Variants in TANGO6 observed in about 807,000 individuals in gnomAD.
TANGO6 encodes the protein transport and Golgi organization protein 6 homolog.
A neutral mutation model predicts 114.2 loss-of-function variants in TANGO6; 90 were observed. The observed-to-expected ratio is 0.79, with a 90% CI of 0.66 to 0.94. The LOEUF is 0.94. Among genes scored for constraint, TANGO6 ranks in the 40% least tolerant of loss-of-function variants. TANGO6 has a pLI of 0.00. For synonymous variants in TANGO6, 477 were observed against 509.8 expected (o/e 0.94, Z 0.87); for missense variants, 1,274 against 1,315.3 (o/e 0.97, Z 0.49).
Position 68,979,808 on chromosome 16 carries a change from C to T in TANGO6, c.2842+5640C>T, listed in dbSNP as rs370064465. Among the ~76,000 whole-genome samples, 16 of 149,672 alleles carry T rather than the reference C, an allele frequency of 1.1e-4. No homozygotes were observed. In the East Asian group the frequency reaches 1.2e-3, roughly 11 times the overall value. ...TGTGTGAGAATTACATATTCTAGTC[C>T]GTTGTTTTTTCATTAGGGTATCAAT... On this transcript the variant is annotated intron_variant, in intron 15 of 17. Transcript: ENST00000261778.
intron 15 of TANGO6, among the ~76,000 whole-genome samples, chr16:68,996,158 G>A (rs1394344009): frequency 6.6e-6 from 1 of 151,944 alleles, no homozygotes; most frequent in Non-Finnish European, 1.5e-5. Flanking sequence ...GAGCTGCAGG[G>A]GAAATTCAAG....
chr16:69,049,117 C>G (rs1959906683), intron 17 of TANGO6, among the ~76,000 whole-genome samples: 1 of 152,140 alleles, frequency 6.6e-6, no homozygotes, highest in Non-Finnish European at 1.5e-5. Context: ...TTCACCCTTT[C>G]AAAGTATATA....
intron 15 of TANGO6, among the ~76,000 whole-genome samples, chr16:69,010,359 T>TA (rs1351420654): frequency 1.3e-5 from 2 of 152,168 alleles, no homozygotes; most frequent in Non-Finnish European, 2.9e-5. Flanking sequence ...AATGTATCTC[T>TA]AGTTAAGCTG....
chr16:68,923,443 A>G (rs1963124090), intron 12 of TANGO6, among the ~76,000 whole-genome samples: 1 of 152,082 alleles, frequency 6.6e-6, no homozygotes, highest in Non-Finnish European at 1.5e-5. Context: ...GGAAGGGGAG[A>G]GAGGGACGAG....
intron 15 of TANGO6, among the ~76,000 whole-genome samples, chr16:69,003,898 T>C (rs1964067433): frequency 6.6e-6 from 1 of 152,038 alleles, no homozygotes; most frequent in East Asian, 1.9e-4. Context: ...ATCCATAACT[T>C]TCTACTCATC....
intron 15 of TANGO6, among the ~76,000 whole-genome samples, chr16:68,988,830 C>G (rs1270132405): frequency 1.3e-5 from 2 of 151,670 alleles, no homozygotes; most frequent in East Asian, 1.9e-4. Flanking sequence ...TCCCAAGTAG[C>G]TAGGACTACA....
chr16:69,074,833 TGTGTG>T (rs1396780721), intron 17 of TANGO6, among the ~76,000 whole-genome samples: 3 of 150,746 alleles, frequency 2.0e-5, no homozygotes, highest in Non-Finnish European at 4.4e-5. Context: ...TGTGTGTGTG[TGTGTG>T]TATAATTATT....
At chr16:69,025,685 C>G (rs1030164136) in intron 16 of TANGO6, among the ~76,000 whole-genome samples, 1 of 151,908 alleles carries the variant, frequency 6.6e-6, no homozygotes, top group African/African-American at 2.4e-5. Flanking sequence ...TAAGTTTGCA[C>G]TGGGTACCTG....
At chr16:68,867,416 T>C in intron 4 of TANGO6, 196 bp downstream of exon 4, 1 of 598,430 alleles carries the variant, frequency 1.7e-6, no homozygotes, top group East Asian at 2.9e-5. Context: ...CTTGCTCTTT[T>C]CCTAAAACAC....
At chr16:69,038,083 A>G (rs981110376) in intron 16 of TANGO6, among the ~76,000 whole-genome samples, 3 of 152,222 alleles carry the variant, frequency 2.0e-5, no homozygotes, top group Admixed American at 2.0e-4. Flanking sequence ...ATAATTAGAT[A>G]TCCTTCCACT....
chr16:69,005,517 C>T (rs1467587388), intron 15 of TANGO6, among the ~76,000 whole-genome samples: 1 of 152,082 alleles, frequency 6.6e-6, no homozygotes, highest in Non-Finnish European at 1.5e-5. Context: ...AGCGGCCAGG[C>T]ACGGTGGCTC....
intron 14 of TANGO6, among the ~76,000 whole-genome samples, chr16:68,972,269 G>A (rs1963714046): frequency 6.6e-6 from 1 of 152,044 alleles, no homozygotes; most frequent in African/African-American, 2.4e-5. Flanking sequence ...AGGAGGATGG[G>A]CAGACAGGTG....
chr16:68,999,258 A>G lies in TANGO6; in HGVS notation c.2843-23570A>G, dbSNP rs76701004. On this transcript the variant is annotated intron_variant, in intron 15 of 17. Transcript: ENST00000261778. ...GTAGATACTTGTATGAGTTGGGTAA[A>G]TTCCTCTTTTCTTGAGATCCCAAGA... Among the ~76,000 whole-genome samples, 1,420 of 152,144 alleles carry G rather than the reference A, an allele frequency of 9.3e-3. 20 individuals carry two copies. Among genetic ancestry groups the G allele is most frequent in the African/African-American group, 0.032 (1,345 of 41,488 alleles).
intron 1 of TANGO6, among the ~76,000 whole-genome samples, chr16:68,852,242 G>A (rs1385868746): frequency 2.0e-5 from 3 of 152,034 alleles, no homozygotes; most frequent in East Asian, 1.9e-4. Flanking sequence ...AACAAAATAA[G>A]TACTTCACAT....
chr16:68,954,372 C>A (rs1963505587), intron 14 of TANGO6, among the ~76,000 whole-genome samples: 1 of 151,966 alleles, frequency 6.6e-6, no homozygotes, highest in Non-Finnish European at 1.5e-5. Flanking sequence ...GCCCTCCAGA[C>A]CCTTAGGATC....
rs1480723373 is a variant in TANGO6, at chr16:68,843,692, G to C, written c.75G>C (p.Lys25Asn). The C allele has an allele frequency of 1.2e-6, 2 of 1,613,716 alleles. No individual in the cohort carries two copies. Among genetic ancestry groups the C allele is most frequent in the Non-Finnish European group, 8.5e-7 (1 of 1,179,704 alleles). Reference protein sequence around the residue: ...CGLDRILEALKLLLSPGGSGS... With the variant: ...CGLDRILEALNLLLSPGGSGS... The stretch of plus-strand genomic sequence containing the variant: ...TGGATCGGATTTTGGAGGCATTGAA[G>C]CTGCTGCTGAGCCCGGGAGGTGAGA... Residue 25 changes from lysine (K) to asparagine (N), a missense_variant, in exon 1 of 18, where the codon AAG (lysine) becomes AAC (asparagine). Lys to Asn is a moderately conservative substitution (Grantham distance 94). Transcript: ENST00000261778.
intron 4 of TANGO6, chr16:68,867,828 C>G (rs1962202831): frequency 6.6e-6 from 1 of 151,488 alleles, no homozygotes; most frequent in Non-Finnish European, 1.5e-5. Flanking sequence ...CAGAATGAGA[C>G]TTTGTCTCAA....
At chr16:68,974,676 A>G (rs527563298) in intron 15 of TANGO6, among the ~76,000 whole-genome samples, 3 of 151,484 alleles carry the variant, frequency 2.0e-5, no homozygotes, top group Non-Finnish European at 4.4e-5. Context: ...TAACAACAAC[A>G]AAAAAAACTG....
chr16:68,979,047 G>A (rs1963792437), intron 15 of TANGO6, among the ~76,000 whole-genome samples: 1 of 150,372 alleles, frequency 6.7e-6, no homozygotes, highest in African/African-American at 2.4e-5. Flanking sequence ...AGCTTCCCAA[G>A]TAGCTAGGAC....
Sources: gnomAD v4.1 joint callset for allele counts (sites outside exome capture counted in the v4.1 genomes callset) on GRCh38, gnomAD v4.1.1 for gene constraint, MANE v1.5 for transcripts, NCBI Gene and HGNC (gene_info 2026-07-23, HGNC 2026-07-21) for gene names.